The following DENND1B variants were observed in gnomAD, a reference collection of about 807,000 sequenced individuals.
DENND1B encodes DENN domain-containing protein 1B.
A neutral mutation model predicts 90.1 loss-of-function variants in DENND1B; 59 were observed. The ratio of observed to expected loss-of-function variants is 0.65; its 90% confidence interval spans 0.53 to 0.81. DENND1B has a LOEUF of 0.81. Among genes scored for constraint, DENND1B ranks in the 40% least tolerant of loss-of-function variants. The pLI is 0.00. For synonymous variants in DENND1B, 337 were observed against 324.6 expected (o/e 1.04, Z -0.41); for missense variants, 862 against 912.6 (o/e 0.94, Z 0.71).
chr1:197,749,759 G>C (rs1321950187), intron 2 of DENND1B, among the ~76,000 whole-genome samples: 1 of 152,052 alleles, frequency 6.6e-6, no homozygotes, highest in Non-Finnish European at 1.5e-5. Context: ...AAAAGGAACT[G>C]ATTGTCTAAA....
At chr1:197,596,463 AATTCTGTT>A (rs2125811653) in intron 13 of DENND1B, among the ~76,000 whole-genome samples, 1 of 152,150 alleles carries the variant, frequency 6.6e-6, no homozygotes, top group Admixed American at 6.6e-5. Context: ...GTTGTGTAAC[AATTCTGTT>A]TTATTTAGAA....
chr1:197,628,253 T>G (rs1678970980), intron 10 of DENND1B, among the ~76,000 whole-genome samples: 1 of 152,164 alleles, frequency 6.6e-6, no homozygotes, highest in Non-Finnish European at 1.5e-5. Context: ...GCTGGAGGCA[T>G]CATGCTACCT....
At chr1:197,594,711 A>T (rs1272795368) in intron 14 of DENND1B, among the ~76,000 whole-genome samples, 1 of 152,154 alleles carries the variant, frequency 6.6e-6, no homozygotes, top group Non-Finnish European at 1.5e-5. Flanking sequence ...ATGAGCTAAG[A>T]TATGCTAAAG....
chr1:197,658,509 T>C, intron 5 of DENND1B, 140 bp from the exon 6 acceptor site: 1 of 541,470 alleles, frequency 1.8e-6, no homozygotes, highest in South Asian at 3.7e-5. Flanking sequence ...CTTTACTTTT[T>C]CAGCAAAGTT....
chr1:197,748,080 C>CTAAA (rs1652934622), intron 2 of DENND1B, among the ~76,000 whole-genome samples: 1 of 151,976 alleles, frequency 6.6e-6, no homozygotes, highest in Non-Finnish European at 1.5e-5. Flanking sequence ...CTAGACCCAC[C>CTAAA]TAAAGATTAA....
intron 10 of DENND1B, among the ~76,000 whole-genome samples, chr1:197,618,906 A>G (rs764141568): frequency 1.1e-4 from 17 of 151,192 alleles, no homozygotes; most frequent in Non-Finnish European, 2.5e-4. Flanking sequence ...AGCTATCCAA[A>G]TCCTATTATT....
intron 10 of DENND1B, among the ~76,000 whole-genome samples, chr1:197,633,818 G>A (rs1044821715): frequency 3.3e-5 from 5 of 152,130 alleles, no homozygotes; most frequent in African/African-American, 1.2e-4. Flanking sequence ...GTGGCCAGCA[G>A]CTTCCCTTTG....
chr1:197,719,361 A>G (rs1660942056), intron 2 of DENND1B, among the ~76,000 whole-genome samples: 1 of 152,128 alleles, frequency 6.6e-6, no homozygotes, highest in Non-Finnish European at 1.5e-5. Flanking sequence ...GAAGACAGGA[A>G]GGTTGGAATT....
At position 197,758,388 on chromosome 1, in the gene DENND1B, T is replaced by C. The variant is rs1654576262; in HGVS notation, c.82+14480A>G. Among the ~76,000 whole-genome samples, 4 of 152,210 alleles carry C rather than the reference T, an allele frequency of 2.6e-5. No homozygotes were observed. The South Asian group carries it at 8.3e-4, about 31-fold the overall frequency. On this transcript the variant is annotated intron_variant, in intron 2 of 22. Transcript: ENST00000620048. Reference sequence around the variant, plus strand: ...GGAGGAAAGTTTTTTACTAACAATTTCTGTTGAAGTGATCATACCTTTTTT... The same window carrying C: ...GGAGGAAAGTTTTTTACTAACAATTCCTGTTGAAGTGATCATACCTTTTTT...
intron 7 of DENND1B, among the ~76,000 whole-genome samples, chr1:197,647,953 A>C (rs1443107558): frequency 6.6e-6 from 1 of 151,978 alleles, no homozygotes; most frequent in Non-Finnish European, 1.5e-5. Flanking sequence ...ACTTCAAAAA[A>C]AAAAAAAAAA....
At chr1:197,564,534 A>G (rs1370361223) in intron 15 of DENND1B, among the ~76,000 whole-genome samples, 9 of 151,912 alleles carry the variant, frequency 5.9e-5, no homozygotes, top group Admixed American at 4.6e-4. Context: ...AATAGACTAT[A>G]GGACAGTATA....
intron 10 of DENND1B, among the ~76,000 whole-genome samples, chr1:197,639,815 T>C (rs933775545): frequency 2.6e-5 from 4 of 152,142 alleles, no homozygotes; most frequent in Non-Finnish European, 5.9e-5. Flanking sequence ...TGCATGGAAT[T>C]TATAGCAGAT....
At chr1:197,596,453 GTTGTGTAA>G (rs2125811627) in intron 13 of DENND1B, among the ~76,000 whole-genome samples, 1 of 151,942 alleles carries the variant, frequency 6.6e-6, no homozygotes, top group Admixed American at 6.6e-5. Flanking sequence ...AACATATTAA[GTTGTGTAA>G]CAATTCTGTT....
intron 20 of DENND1B, among the ~76,000 whole-genome samples, chr1:197,513,877 T>C (rs1668213526): frequency 6.6e-6 from 1 of 151,590 alleles, no homozygotes; most frequent in African/African-American, 2.4e-5. Context: ...CTGTCCTCAC[T>C]TCCTATAAAT....
chr1:197,590,390 T>C (rs561302692), intron 14 of DENND1B, among the ~76,000 whole-genome samples: 2 of 152,264 alleles, frequency 1.3e-5, no homozygotes, highest in African/African-American at 4.8e-5. Context: ...ATTTAGTACA[T>C]TAATTTTATC....
At chr1:197,612,245 G>A (rs1677247484) in intron 11 of DENND1B, among the ~76,000 whole-genome samples, 1 of 150,436 alleles carries the variant, frequency 6.6e-6, no homozygotes, top group Non-Finnish European at 1.5e-5. Context: ...AAGTTTGTTT[G>A]TTGGTTTGTT....
upstream of DENND1B, among the ~76,000 whole-genome samples, chr1:197,778,345 A>G (rs11806872): frequency 4.6e-3 from 697 of 152,230 alleles, 7 homozygotes; most frequent in African/African-American, 0.016. Context: ...TAGCTCTTAC[A>G]TCAAACCCCT....
chr1:197,511,311 A>G (rs1328691963), intron 22 of DENND1B, among the ~76,000 whole-genome samples: 2 of 151,862 alleles, frequency 1.3e-5, no homozygotes, highest in Non-Finnish European at 2.9e-5. Context: ...GCATAAAATA[A>G]TGTTAAAAAA....
Position 197,581,798 on chromosome 1 carries a change from AC to A in DENND1B, c.1149+1353del, listed in dbSNP as rs548126677. Among the ~76,000 whole-genome samples, 3 of 152,192 alleles carry A rather than the reference AC, an allele frequency of 2.0e-5. No individual in the cohort carries two copies. In the East Asian group the frequency reaches 5.8e-4, roughly 29 times the overall value. ...ATTCTACCTACCCATTCAATCCCTA[AC>A]CCCCATATAATTTAATCTTCACAAC... On this transcript the variant is annotated intron_variant, in intron 15 of 22. Coordinates refer to ENST00000620048, the MANE Select transcript of DENND1B (RefSeq NM_001195215.2).
Sources: allele counts gnomAD v4.1 joint callset (sites outside exome capture counted in the v4.1 genomes callset), GRCh38; gene constraint gnomAD v4.1.1; transcripts MANE v1.5; gene names NCBI Gene and HGNC (gene_info 2026-07-23, HGNC 2026-07-21).